Variants in STARD6 observed in about 807,000 individuals in gnomAD.
STARD6 encodes StAR related lipid transfer domain containing 6.
A neutral mutation model predicts 22.3 loss-of-function variants in STARD6; 21 were observed. The ratio of observed to expected loss-of-function variants is 0.94; its 90% CI spans 0.67 to 1.35. The LOEUF (loss-of-function observed/expected upper bound fraction) is 1.35, where lower values mean the gene tolerates loss of function less well. Among genes scored for constraint, STARD6 ranks in the 40% most tolerant of loss-of-function variants. The pLI, the probability that STARD6 is intolerant of heterozygous loss-of-function variation, is 0.00. For synonymous variants in STARD6, 80 were observed against 88.1 expected (o/e 0.91, Z 0.52); for missense variants, 269 against 266.9 (o/e 1.01, Z -0.05).
chr18:54,354,394 C>G, intron 3 of STARD6, 90 bp downstream of exon 3: 1 of 1,203,572 alleles, frequency 8.3e-7, no homozygotes, highest in East Asian at 2.5e-5. Context: ...GCACCTGGAA[C>G]AGAAAATATT....
intron 6 of STARD6, 124 bp downstream of exon 6, chr18:54,331,618 C>G (rs1200042862): frequency 1.4e-6 from 1 of 690,918 alleles, no homozygotes; most frequent in Middle Eastern, 4.0e-4. Context: ...AATTGTTGAT[C>G]CCACTAAGTA....
intron 4 of STARD6, among the ~76,000 whole-genome samples, chr18:54,346,869 G>C (rs2089041674): frequency 1.3e-5 from 2 of 152,054 alleles, no homozygotes; most frequent in Admixed American, 1.3e-4. Context: ...ATAAAAGGCA[G>C]AAACTGTCAC....
intron 6 of STARD6, 115 bp from the exon 7 acceptor site, chr18:54,329,555 G>A (rs2088850233): frequency 1.3e-6 from 1 of 775,524 alleles, no homozygotes; most frequent in African/African-American, 1.8e-5. Context: ...ATTAACATTA[G>A]TTTTATATAT....
Position 54,331,788 on chromosome 18 carries a change from G to A in STARD6, c.339C>T (p.Asp113=), listed in dbSNP as rs772807539. ...VGSISPRDFI[D]LVYIKRYEGN... ...CTTCGTAGCGCTTGATGTACACTAA[G>A]TCGATAAAGTCTCGAGGGGAAATGG... Residue 113 remains aspartate (D), a synonymous_variant, in exon 6 of 8, where the codon GAC becomes GAT. Transcript: ENST00000307844. 6.2e-7 allele frequency: 1 copy of A among 1,613,260 alleles called. No homozygotes were observed. Among genetic ancestry groups the A allele is most frequent in the East Asian group, 2.2e-5 (1 of 44,886 alleles).
intron 7 of STARD6, among the ~76,000 whole-genome samples, chr18:54,328,170 T>A (rs2088839240): frequency 6.6e-6 from 1 of 152,188 alleles, no homozygotes; most frequent in Non-Finnish European, 1.5e-5. Context: ...GGAACGTATC[T>A]CCATGGATAA....
At chr18:54,325,683 G>A (rs376768192) in intron 7 of STARD6, among the ~76,000 whole-genome samples, 3 of 151,868 alleles carry the variant, frequency 2.0e-5, no homozygotes, top group African/African-American at 4.8e-5. Flanking sequence ...GAGTGGCTGC[G>A]ATTACAGGTG....
chr18:54,342,109 G>T (rs900743877), intron 4 of STARD6, among the ~76,000 whole-genome samples: 2 of 152,224 alleles, frequency 1.3e-5, no homozygotes, highest in Non-Finnish European at 2.9e-5. Context: ...AGAATGATGT[G>T]TCAACAAAGT....
At position 54,356,413 on chromosome 18, in the gene STARD6, A is replaced by G. The variant is rs1337874868; in HGVS notation, c.-57T>C. 1.3e-5 allele frequency: 2 copies of G among 152,218 alleles called. No homozygotes were observed. The highest frequency in any genetic ancestry group is 2.9e-5 in the Non-Finnish European group (2 of 68,034). The allele number at this position is 152,218 out of a possible 1,614,324, so 9.4% of individuals were successfully genotyped here. The stretch of plus-strand genomic sequence containing the variant: ...TTAGTAACTACTGGGGCTCCTCTCC[A>G]AATCCTTGTGGAAATCTCCATATCT... On this transcript the variant is annotated 5_prime_UTR_variant, in exon 2 of 8. Coordinates refer to ENST00000307844, the MANE Select transcript of STARD6 (RefSeq NM_139171.2).
intron 4 of STARD6, among the ~76,000 whole-genome samples, chr18:54,346,642 A>G (rs1352400519): frequency 2.0e-5 from 3 of 152,158 alleles, no homozygotes; most frequent in African/African-American, 7.2e-5. Flanking sequence ...TAATACCTAA[A>G]AGATAGAAAC....
chr18:54,347,917 G>C lies in STARD6; in HGVS notation c.140+6137C>G, dbSNP rs147020654. ...CTCATAATTCCCAGGTGTTGTAGGA[G>C]AGACCTGGTGGAAGATAATTGAATC... On this transcript the variant is annotated intron_variant, in intron 4 of 7. Transcript: ENST00000307844. Among the ~76,000 whole-genome samples the C allele has an allele frequency of 2.0e-3, 310 of 152,232 alleles. 2 individuals carry two copies. Among genetic ancestry groups the C allele is most frequent in the African/African-American group, 7.0e-3 (289 of 41,568 alleles).
intron 4 of STARD6, among the ~76,000 whole-genome samples, chr18:54,339,824 T>C (rs1470815953): frequency 6.6e-6 from 1 of 152,184 alleles, no homozygotes; most frequent in Non-Finnish European, 1.5e-5. Flanking sequence ...AATGTTACAA[T>C]ACAGTATAAT....
intron 5 of STARD6, among the ~76,000 whole-genome samples, chr18:54,334,841 C>G (rs2088894578): frequency 6.6e-6 from 1 of 152,118 alleles, no homozygotes; most frequent in South Asian, 2.1e-4. Flanking sequence ...TATTATGTCT[C>G]TTCTGATGAG....
intron 5 of STARD6, among the ~76,000 whole-genome samples, chr18:54,334,354 G>T (rs1389136572): frequency 6.6e-6 from 1 of 152,090 alleles, no homozygotes; most frequent in Non-Finnish European, 1.5e-5. Context: ...CCTTTCAGCA[G>T]CTGTCTCTTA....
At chr18:54,350,557 T>A (rs192143575) in intron 4 of STARD6, among the ~76,000 whole-genome samples, 64 of 152,286 alleles carry the variant, frequency 4.2e-4, no homozygotes, top group South Asian at 1.2e-3. Flanking sequence ...ACTCTTTGCC[T>A]AAGCCAATGT....
chr18:54,339,508 G>C (rs942922956), intron 4 of STARD6, among the ~76,000 whole-genome samples: 4 of 149,392 alleles, frequency 2.7e-5, no homozygotes, highest in African/African-American at 7.4e-5. Flanking sequence ...ACATAGAAGA[G>C]AACCATAATA....
At chr18:54,357,618 C>T (rs913166015) in intron 1 of STARD6, among the ~76,000 whole-genome samples, 174 bp downstream of exon 1, 5 of 152,150 alleles carry the variant, frequency 3.3e-5, no homozygotes, top group African/African-American at 1.2e-4. Flanking sequence ...AGTCTCCCTC[C>T]CCACCCAGTC....
chr18:54,326,314 C>T (rs900821551), intron 7 of STARD6, among the ~76,000 whole-genome samples: 12 of 145,708 alleles, frequency 8.2e-5, no homozygotes, highest in African/African-American at 2.8e-4. Flanking sequence ...ATTGAGTTGT[C>T]AGCTGACAGG....
chr18:54,337,824 T>A (rs2088931263), intron 4 of STARD6, among the ~76,000 whole-genome samples: 1 of 152,238 alleles, frequency 6.6e-6, no homozygotes, highest in Admixed American at 6.5e-5. Flanking sequence ...AAATTACAGT[T>A]ATATGGCTGT....
At chr18:54,331,343 G>T (rs773038325) in intron 6 of STARD6, among the ~76,000 whole-genome samples, 11 of 152,124 alleles carry the variant, frequency 7.2e-5, no homozygotes, top group Non-Finnish European at 1.3e-4. Flanking sequence ...TATGTAAAGA[G>T]CCATCTAGTG....
Sources: gnomAD v4.1 joint callset for allele counts (sites outside exome capture counted in the v4.1 genomes callset) on GRCh38, gnomAD v4.1.1 for gene constraint, MANE v1.5 for transcripts, NCBI Gene and HGNC (gene_info 2026-07-23, HGNC 2026-07-21) for gene names.